SLC7A10: variants seen among roughly 807,000 people sequenced by gnomAD.
SLC7A10 encodes the protein solute carrier family 7 member 10.
Under a neutral mutation model 52.7 loss-of-function variants are expected in SLC7A10, and 30 were observed. That is an observed-to-expected ratio of 0.57 (90% CI 0.43 to 0.77). The LOEUF (loss-of-function observed/expected upper bound fraction) is 0.77. Among genes scored for constraint, SLC7A10 ranks in the 30% least tolerant of loss-of-function variants. The pLI, the probability that SLC7A10 is intolerant of heterozygous loss-of-function variation, is 0.00. For missense variants in SLC7A10, 581 were observed against 698.5 expected, an observed-to-expected ratio of 0.83 and a Z score of 1.90; for synonymous variants, 318 against 314.9, an observed-to-expected ratio of 1.01 and a Z score of -0.10.
Position 33,210,824 on chromosome 19 carries a change from G to A in SLC7A10, c.1091C>T (p.Pro364Leu). 6.8e-6 allele frequency: 11 copies of A among 1,613,592 alleles called. No homozygotes were observed. The highest frequency in any genetic ancestry group is 9.3e-6 in the Non-Finnish European group (11 of 1,180,028). ...TACACAGACGAGGAGGGCGGGGATGGGGGTGCAGTGTCTGACGTGGATCAT... is the reference window on the plus strand; with the variant it reads ...TACACAGACGAGGAGGGCGGGGATGAGGGTGCAGTGTCTGACGTGGATCAT... ...LAMIHVRHCT[P>L]IPALLVCCGA... Residue 364 changes from proline to leucine, a missense_variant, in exon 8 of 11, where the codon CCC becomes CTC. Coordinates refer to ENST00000253188, the MANE Select transcript of SLC7A10 (RefSeq NM_019849.3). This position sits in a 1 kb window ranked among gnomAD's most constrained non-coding sequence, Gnocchi z 5.6.
At chr19:33,221,794 CAA>C (rs1267774713) in intron 1 of SLC7A10, among the ~76,000 whole-genome samples, 1 of 152,124 alleles carries the variant, frequency 6.6e-6, no homozygotes, top group Non-Finnish European at 1.5e-5. Context: ...ACTCTCAAGT[CAA>C]AGAGAGAGCA....
chr19:33,224,213 A>G (rs569762048), intron 1 of SLC7A10, among the ~76,000 whole-genome samples: 55 of 152,134 alleles, frequency 3.6e-4, no homozygotes, highest in Non-Finnish European at 6.3e-4. Context: ...CCTTCCCTGG[A>G]GGACAGTTCC....
At chr19:33,217,568 C>T (rs890661088) in intron 1 of SLC7A10, among the ~76,000 whole-genome samples, 1 of 130,800 alleles carries the variant, frequency 7.6e-6, no homozygotes, top group East Asian at 1.9e-4. Context: ...CTGGTAGAAC[C>T]TGTAGGTCCT....
intron 1 of SLC7A10, 94 bp from the exon 2 acceptor site, chr19:33,216,067 A>C: frequency 8.4e-7 from 1 of 1,191,402 alleles, no homozygotes. Context: ...GGAGGAAGAC[A>C]GCCCGGGGTG....
At chr19:33,224,961 G>A (rs145232207) in intron 1 of SLC7A10, among the ~76,000 whole-genome samples, 66 of 152,302 alleles carry the variant, frequency 4.3e-4, no homozygotes, top group African/African-American at 1.5e-3. Context: ...TGGCTAACCC[G>A]CCCCCTCTCC....
intron 2 of SLC7A10, among the ~76,000 whole-genome samples, chr19:33,213,677 C>T (rs1974609146): frequency 6.6e-6 from 1 of 152,252 alleles, no homozygotes; most frequent in Non-Finnish European, 1.5e-5. Flanking sequence ...CTCTCGGCTT[C>T]AGCCCTGGCT....
intron 5 of SLC7A10, 43 bp downstream of exon 5, chr19:33,212,249 G>C (rs1327921342): frequency 6.4e-7 from 1 of 1,568,032 alleles, no homozygotes; most frequent in Non-Finnish European, 8.6e-7. Flanking sequence ...TCCCACCAGA[G>C]GGCCTGGCTG....
rs1414143558 is a variant in SLC7A10 at position 33,210,750 on chromosome 19, T to G, written c.1113+52A>C. Reference sequence around the variant, plus strand: ...TGCCATTACCCGGAAGGTCCTGCATTGCCGGGTAGCCCTGCCTCCACGCCC... The same window carrying G: ...TGCCATTACCCGGAAGGTCCTGCATGGCCGGGTAGCCCTGCCTCCACGCCC... On this transcript the variant is annotated intron_variant, in intron 8 of 10. Coordinates refer to ENST00000253188, the MANE Select transcript of SLC7A10 (RefSeq NM_019849.3). This position sits in a 1 kb window ranked among gnomAD's most constrained non-coding sequence, Gnocchi z 5.6. 49 of 1,610,544 alleles carry G rather than the reference T, an allele frequency of 3.0e-5. 1 individual carries two copies. The East Asian group carries it at 8.2e-4, about 27-fold the overall frequency.
chr19:33,212,560 C>T lies in SLC7A10; in HGVS notation c.588G>A (p.Leu196=), dbSNP rs758728872. ...CCACGCCGATGATGAGGGACAAGGC[C>T]AGCAGCTTCCCGCCTGTGAACATGT... is the stretch of plus-strand genomic sequence containing the variant. ...IQDMFTGGKL[L]ALSLIIGVGL... is the part of the protein sequence containing the mutation. The change falls in exon 4 of 11, where the codon CTG becomes CTA. Residue 196 remains leucine, a synonymous_variant. Coordinates refer to ENST00000253188, the MANE Select transcript of SLC7A10 (RefSeq NM_019849.3). 1 of 1,613,910 alleles carries T rather than the reference C, an allele frequency of 6.2e-7. No homozygotes were observed. The highest frequency in any genetic ancestry group is 8.5e-7 in the Non-Finnish European group (1 of 1,180,060).
intron 1 of SLC7A10, among the ~76,000 whole-genome samples, chr19:33,221,769 C>T (rs115526649): frequency 0.019 from 2,922 of 152,242 alleles, 87 homozygotes; most frequent in African/African-American, 0.059. Context: ...GCCCACAAAC[C>T]CCTGCAGGAG....
chr19:33,216,642 C>T (rs950964808), intron 1 of SLC7A10, among the ~76,000 whole-genome samples: 11 of 151,750 alleles, frequency 7.2e-5, no homozygotes, highest in Admixed American at 6.6e-4. Context: ...TTCCCCTTCC[C>T]TTCCCTTTCC....
rs1387588557 is a variant in SLC7A10 at position 33,212,357 on chromosome 19, G to A, written c.723C>T (p.Gly241=). 3 of 1,613,672 alleles carry A rather than the reference G, an allele frequency of 1.9e-6. No individual in the cohort carries two copies. Among genetic ancestry groups the A allele is most frequent in the South Asian group, 1.1e-5 (1 of 91,096 alleles). The stretch of plus-strand genomic sequence containing the variant: ...AGTTCCAGCCACTGAAGGCGAAGGA[G>A]CCCTGGAGGAAGGCCAGGGCCAGGT... ...VGHLALAFLQ[G]SFAFSGWNFL... The change falls in exon 5 of 11, where the codon GGC becomes GGT. Residue 241 remains glycine, a synonymous_variant. Transcript: ENST00000253188.
chr19:33,219,400 G>C (rs897453451), intron 1 of SLC7A10, among the ~76,000 whole-genome samples: 10 of 152,252 alleles, frequency 6.6e-5, no homozygotes, highest in African/African-American at 2.2e-4. Context: ...AGGTCACAGG[G>C]GCGGCCCACG....
At chr19:33,224,982 T>C (rs1348003875) in intron 1 of SLC7A10, among the ~76,000 whole-genome samples, 1 of 152,222 alleles carries the variant, frequency 6.6e-6, no homozygotes, top group Non-Finnish European at 1.5e-5. Context: ...TGGGTCCTGC[T>C]GCCAAACCCT....
intron 2 of SLC7A10, among the ~76,000 whole-genome samples, chr19:33,214,927 C>A (rs1247491003): frequency 1.3e-5 from 2 of 152,148 alleles, no homozygotes; most frequent in African/African-American, 2.4e-5. Flanking sequence ...AGGTGCTCAG[C>A]AAATATTCCC....
chr19:33,225,612 G>A lies in SLC7A10; in HGVS notation c.92C>T (p.Ser31Leu). 1 of 1,594,000 alleles carries A rather than the reference G, an allele frequency of 6.3e-7. No individual in the cohort carries two copies. Among genetic ancestry groups the A allele is most frequent in the Non-Finnish European group, 8.5e-7 (1 of 1,178,502 alleles). The change falls in exon 1 of 11, where the codon TCG becomes TTG. Residue 31 changes from serine (S) to leucine (L), a missense_variant. By Grantham distance (145) the Ser-to-Leu change is moderately radical. Coordinates refer to ENST00000253188, the MANE Select transcript of SLC7A10 (RefSeq NM_019849.3). Reference protein sequence around the residue: ...SPVPGTVPGASERVALKKEIG... With the variant: ...SPVPGTVPGALERVALKKEIG... ...CTCCTTCTTGAGCGCCACCCGCTCC[G>A]AGGCGCCGGGGACGGTCCCTGGGAC...
chr19:33,217,390 ACT>A (rs1974711418), intron 1 of SLC7A10, among the ~76,000 whole-genome samples: 1 of 152,062 alleles, frequency 6.6e-6, no homozygotes, highest in African/African-American at 2.4e-5. Flanking sequence ...GATGAGCAAG[ACT>A]CTGAGTGCCT....
At chr19:33,224,966 C>T (rs1262357347) in intron 1 of SLC7A10, among the ~76,000 whole-genome samples, 1 of 152,248 alleles carries the variant, frequency 6.6e-6, no homozygotes, top group Non-Finnish European at 1.5e-5. Context: ...AACCCGCCCC[C>T]TCTCCTGGGT....
At chr19:33,223,565 C>A (rs1974859068) in intron 1 of SLC7A10, among the ~76,000 whole-genome samples, 1 of 151,882 alleles carries the variant, frequency 6.6e-6, no homozygotes, top group African/African-American at 2.4e-5. Flanking sequence ...GCCCAGTCCC[C>A]ACCTCCTATC....
Sources: allele counts gnomAD v4.1 joint callset (sites outside exome capture counted in the v4.1 genomes callset), GRCh38; gene constraint gnomAD v4.1.1; non-coding constraint Gnocchi (gnomAD v3.1); transcripts MANE v1.5; gene names NCBI Gene and HGNC (gene_info 2026-07-23, HGNC 2026-07-21).